Variants in KAZN observed in about 807,000 individuals in gnomAD.
KAZN encodes kazrin.
Under a neutral mutation model 87.4 loss-of-function variants are expected in KAZN, and 40 were observed. The observed-to-expected ratio is 0.46, with a 90% confidence interval of 0.36 to 0.60. The LOEUF (loss-of-function observed/expected upper bound fraction) is 0.60. Ranked by LOEUF, KAZN falls within the 20% of genes least tolerant of loss-of-function variation. The pLI is 0.00. For missense variants in KAZN, 898 were observed against 1,073.9 expected, an observed-to-expected ratio of 0.84 and a Z score of 2.29; for synonymous variants, 466 against 458.3, an observed-to-expected ratio of 1.02 and a Z score of -0.22.
chr1:14,986,704 G>A (rs1272760697), intron 2 of KAZN, among the ~76,000 whole-genome samples: 1 of 152,154 alleles, frequency 6.6e-6, no homozygotes, highest in Admixed American at 6.5e-5. Flanking sequence ...CTTCAAGAAA[G>A]TGAGGCTCAA....
intron 1 of KAZN, among the ~76,000 whole-genome samples, chr1:14,905,433 C>T (rs1656410050): frequency 1.3e-5 from 2 of 152,192 alleles, no homozygotes; most frequent in Non-Finnish European, 2.9e-5. Context: ...GACGCAGTCA[C>T]AAAGGCCTGC....
intron 1 of KAZN, among the ~76,000 whole-genome samples, chr1:14,858,743 C>T (rs548022893): frequency 6.6e-6 from 1 of 152,162 alleles, no homozygotes; most frequent in South Asian, 2.1e-4. Flanking sequence ...CGAAAAATAC[C>T]CAAATTCCTC....
chr1:14,968,212 T>A (rs1158387464), intron 2 of KAZN, among the ~76,000 whole-genome samples: 1 of 151,894 alleles, frequency 6.6e-6, no homozygotes, highest in African/African-American at 2.4e-5. Context: ...GGCATTAGAT[T>A]CTAATAAGGA....
chr1:14,213,026 T>C lies in KAZN; in HGVS notation c.249+32434T>C, dbSNP rs74412631. ...TTCAGGAATTAAATGTACACTCCACTTTTCAGGAATGTGTTTATTTTACCA... is the reference window on the plus strand; with the variant it reads ...TTCAGGAATTAAATGTACACTCCACCTTTCAGGAATGTGTTTATTTTACCA... On this transcript the variant is annotated intron_variant, in intron 2 of 16. Transcript: ENST00000636203. Among the ~76,000 whole-genome samples, 427 of 152,316 alleles carry C rather than the reference T, an allele frequency of 2.8e-3. 3 individuals carry two copies. Among genetic ancestry groups the C allele is most frequent in the African/African-American group, 9.9e-3 (412 of 41,572 alleles).
At chr1:14,243,339 G>A (rs776436994) in intron 2 of KAZN, among the ~76,000 whole-genome samples, 5 of 152,152 alleles carry the variant, frequency 3.3e-5, no homozygotes, top group Non-Finnish European at 5.9e-5. Context: ...TTCTGCAGGC[G>A]GAAGGTAAAT....
At chr1:14,667,787 T>C (rs1216078804) in intron 1 of KAZN, among the ~76,000 whole-genome samples, 2 of 151,310 alleles carry the variant, frequency 1.3e-5, no homozygotes, top group African/African-American at 4.9e-5. Flanking sequence ...GCTTACCCTC[T>C]TTTATGTAGA....
chr1:14,532,305 G>A (rs1004124887), intron 2 of KAZN, among the ~76,000 whole-genome samples: 3 of 152,140 alleles, frequency 2.0e-5, no homozygotes, highest in South Asian at 4.2e-4. Context: ...GCCCTCACTC[G>A]TGATGCTTAA....
In KAZN at chr1:14,599,660, G is replaced by A. The variant is rs1289401754; in HGVS notation, c.226+437G>A. Among the ~76,000 whole-genome samples the A allele has an allele frequency of 6.6e-6, 1 of 152,192 alleles. No homozygotes were observed. Among genetic ancestry groups the A allele is most frequent in the Non-Finnish European group, 1.5e-5 (1 of 68,030 alleles). ...CTCCGGGCTCTGCCGCCGTGGTTGG[G>A]ATAGAGGATTGCACTGCTGTGCACT... On this transcript the variant is annotated intron_variant, in intron 1 of 14. Coordinates refer to ENST00000376030, the MANE Select transcript of KAZN (RefSeq NM_201628.3). This position sits in a 1 kb window ranked among gnomAD's most constrained non-coding sequence, Gnocchi z 4.4.
At chr1:14,453,334 T>C (rs1162635121) in intron 2 of KAZN, among the ~76,000 whole-genome samples, 2 of 152,298 alleles carry the variant, frequency 1.3e-5, no homozygotes, top group African/African-American at 2.4e-5. Context: ...GTGTCTCTAT[T>C]ATAAGAGATT....
intron 1 of KAZN, among the ~76,000 whole-genome samples, chr1:14,883,395 G>GAAAGAAAGAAAGA (rs1572723223): frequency 7.3e-6 from 1 of 136,676 alleles, no homozygotes; most frequent in East Asian, 2.1e-4. Flanking sequence ...AAGAAAGAAA[G>GAAAGAAAGAAAGA]AAAGAAAGAA....
intron 1 of KAZN, among the ~76,000 whole-genome samples, chr1:14,638,361 A>C (rs1391707181): frequency 6.6e-6 from 1 of 151,970 alleles, no homozygotes. Flanking sequence ...CTGAGGTCAG[A>C]AGCTTGAGAC....
chr1:14,085,364 C>T (rs1414253295), intron 1 of KAZN, among the ~76,000 whole-genome samples: 7 of 152,178 alleles, frequency 4.6e-5, no homozygotes. Context: ...CCACCGCCAC[C>T]AATGTGAAAT....
chr1:14,265,857 A>G (rs188209286), intron 2 of KAZN, among the ~76,000 whole-genome samples: 2 of 152,274 alleles, frequency 1.3e-5, no homozygotes, highest in East Asian at 1.9e-4. Flanking sequence ...CTTAATTTCC[A>G]TTTCCATCTC....
intron 1 of KAZN, among the ~76,000 whole-genome samples, chr1:14,871,818 TG>T (rs1267865940): frequency 2.6e-5 from 4 of 151,594 alleles, no homozygotes; most frequent in African/African-American, 9.7e-5. Context: ...GGAATCAGAG[TG>T]GGGTCAGCCC....
rs577379951 is a variant in KAZN, at chr1:14,973,626, A to G, written c.418+12751A>G. 1.1e-4 allele frequency among the ~76,000 whole-genome samples: 16 copies of G among 152,318 alleles called. No homozygotes were observed. In the South Asian group the frequency reaches 2.9e-3, roughly 28 times the overall value. On this transcript the variant is annotated intron_variant, in intron 2 of 14. Transcript: ENST00000376030. ...GCTAGAAAGTTAGTCCTCTTTCCAAATAAGGAAAGGAATGTGAGCTGGTAC... is the reference window on the plus strand; with the variant it reads ...GCTAGAAAGTTAGTCCTCTTTCCAAGTAAGGAAAGGAATGTGAGCTGGTAC...
At chr1:14,579,633 A>T (rs201398468) in intron 2 of KAZN, among the ~76,000 whole-genome samples, 1 of 151,750 alleles carries the variant, frequency 6.6e-6, no homozygotes, top group Admixed American at 6.6e-5. Flanking sequence ...TCAAAAAAAA[A>T]TTAAAAAAAA....
chr1:14,508,637 G>A (rs1670737953), intron 2 of KAZN, among the ~76,000 whole-genome samples: 2 of 152,164 alleles, frequency 1.3e-5, no homozygotes, highest in African/African-American at 4.8e-5. Flanking sequence ...GACATCAAGA[G>A]TTGCCGTAAG....
At chr1:14,867,987 T>A (rs1337444311) in intron 1 of KAZN, among the ~76,000 whole-genome samples, 1 of 66,450 alleles carries the variant, frequency 1.5e-5, no homozygotes, top group Non-Finnish European at 4.1e-5. Flanking sequence ...TATGCAGGCA[T>A]TGGATACACA....
chr1:13,896,464 A>AT (rs1161140978), intron 1 of KAZN, among the ~76,000 whole-genome samples: 1 of 151,736 alleles, frequency 6.6e-6, no homozygotes, highest in Non-Finnish European at 1.5e-5. Flanking sequence ...TAATTTTTTA[A>AT]TTTTTTTTGT....
Sources: gnomAD v4.1 joint callset for allele counts (sites outside exome capture counted in the v4.1 genomes callset) on GRCh38, gnomAD v4.1.1 for gene constraint, Gnocchi (gnomAD v3.1) non-coding constraint, MANE v1.5 for transcripts, NCBI Gene and HGNC (gene_info 2026-07-23, HGNC 2026-07-21) for gene names.